UBL3: variants seen among roughly 807,000 people sequenced by gnomAD.
UBL3 encodes the protein ubiquitin-like protein 3.
UBL3 carries 6 observed loss-of-function variants against 18.4 expected under a neutral mutation model. The ratio of observed to expected loss-of-function variants is 0.33; its 90% CI spans 0.18 to 0.64. The LOEUF is 0.64. UBL3 is among the 30% of genes least tolerant of loss of function. The pLI, the probability that UBL3 is intolerant of heterozygous loss-of-function variation, is 0.76. For synonymous variants in UBL3, 49 were observed against 46.6 expected (o/e 1.05, Z -0.21); for missense variants, 109 against 142.9 (o/e 0.76, Z 1.21).
chr13:29,792,890 C>G (rs1398880232), intron 1 of UBL3, among the ~76,000 whole-genome samples: 1 of 152,164 alleles, frequency 6.6e-6, no homozygotes, highest in Non-Finnish European at 1.5e-5. Context: ...ATATAAAATA[C>G]AGCACAAAAT....
In UBL3 at chr13:29,821,957, G is replaced by A. The variant is rs557713275; in HGVS notation, c.27+27555C>T. Among the ~76,000 whole-genome samples the A allele has an allele frequency of 7.2e-5, 11 of 152,252 alleles. No homozygotes were observed. In the East Asian group the frequency reaches 1.9e-3, roughly 27 times the overall value. On this transcript the variant is annotated intron_variant, in intron 1 of 4. Coordinates refer to ENST00000380680, the MANE Select transcript of UBL3 (RefSeq NM_007106.4). ...AGCTCTTTGTTAAATTAAATTACCTGAATTAGAAGATCCAGAAACTTGCTC... is the reference window on the plus strand; with the variant it reads ...AGCTCTTTGTTAAATTAAATTACCTAAATTAGAAGATCCAGAAACTTGCTC...
At chr13:29,797,812 T>A (rs1021592485) in intron 1 of UBL3, among the ~76,000 whole-genome samples, 2 of 152,154 alleles carry the variant, frequency 1.3e-5, no homozygotes, top group Admixed American at 6.5e-5. Flanking sequence ...ACTTCCTTCC[T>A]TCTATTAATA....
At chr13:29,820,429 G>T (rs1878403494) in intron 1 of UBL3, among the ~76,000 whole-genome samples, 1 of 151,988 alleles carries the variant, frequency 6.6e-6, no homozygotes, top group Admixed American at 6.6e-5. Flanking sequence ...GCCTGCCTCG[G>T]CCTCCCAAAG....
At chr13:29,799,253 G>T (rs1451854291) in intron 1 of UBL3, among the ~76,000 whole-genome samples, 1 of 152,174 alleles carries the variant, frequency 6.6e-6, no homozygotes, top group Non-Finnish European at 1.5e-5. Context: ...AAAAAAGTAT[G>T]CAGACATTGC....
intron 1 of UBL3, among the ~76,000 whole-genome samples, chr13:29,819,359 C>G (rs181139059): frequency 3.3e-4 from 50 of 152,194 alleles, no homozygotes; most frequent in Non-Finnish European, 6.6e-4. Flanking sequence ...TTACCCTTAA[C>G]CACATCAAGG....
intron 1 of UBL3, among the ~76,000 whole-genome samples, chr13:29,817,276 C>T (rs1878305785): frequency 6.6e-6 from 1 of 152,210 alleles, no homozygotes; most frequent in South Asian, 2.1e-4. Context: ...TGGTATGCAA[C>T]ACGCGTAAGA....
rs778556212 is a variant in UBL3, at chr13:29,777,222, C to G, written c.69G>C (p.Glu23Asp). The part of the protein sequence containing the change: ...RLILVSGKTK[E>D]FLFSPNDSAS... ...CAGAATCGTTAGGAGAAAACAGGAA[C>G]TCTTTTGTTTTTCCGCTTACCAAAA... is the stretch of plus-strand genomic sequence containing the variant. Residue 23 changes from glutamate to aspartate, a missense_variant, in exon 2 of 5, where the codon GAG (glutamate) becomes GAC (aspartate). Physicochemically the swap from Glu to Asp is conservative, Grantham distance 45. Coordinates refer to ENST00000380680, the MANE Select transcript of UBL3 (RefSeq NM_007106.4). 2 of 1,610,044 alleles carry G rather than the reference C, an allele frequency of 1.2e-6. No homozygotes were observed. The highest frequency in any genetic ancestry group is 1.7e-5 in the Admixed American group (1 of 59,870).
At chr13:29,842,847 A>T (rs140095739) in intron 1 of UBL3, among the ~76,000 whole-genome samples, 43 of 152,370 alleles carry the variant, frequency 2.8e-4, no homozygotes, top group African/African-American at 1.0e-3. Flanking sequence ...AATTCTAAGC[A>T]ACCAAAACAG....
chr13:29,770,595 A>C (rs912210327), intron 3 of UBL3, among the ~76,000 whole-genome samples: 2 of 152,024 alleles, frequency 1.3e-5, no homozygotes, highest in Admixed American at 1.3e-4. Context: ...TCAATACTCA[A>C]AAGGGAAATG....
intron 1 of UBL3, among the ~76,000 whole-genome samples, chr13:29,845,615 T>A (rs1879211012): frequency 6.6e-6 from 1 of 152,092 alleles, no homozygotes. Context: ...TTTAGTAATT[T>A]CCTGTCCACA....
At chr13:29,828,077 G>T (rs1259543675) in intron 1 of UBL3, among the ~76,000 whole-genome samples, 1 of 152,100 alleles carries the variant, frequency 6.6e-6, no homozygotes, top group Non-Finnish European at 1.5e-5. Flanking sequence ...TTCCCTTTGT[G>T]GGTAACCCGA....
chr13:29,833,549 C>G (rs993882671), intron 1 of UBL3, among the ~76,000 whole-genome samples: 4 of 152,184 alleles, frequency 2.6e-5, no homozygotes, highest in Non-Finnish European at 5.9e-5. Context: ...AATATTCCCT[C>G]TGCCTACAAT....
intron 1 of UBL3, among the ~76,000 whole-genome samples, chr13:29,801,566 C>T (rs1877766989): frequency 6.6e-6 from 1 of 152,152 alleles, no homozygotes; most frequent in African/African-American, 2.4e-5. Context: ...TGAACATTCC[C>T]ACTAGCAACG....
intron 1 of UBL3, among the ~76,000 whole-genome samples, chr13:29,839,133 G>A (rs1329581137): frequency 6.6e-6 from 1 of 152,080 alleles, no homozygotes; most frequent in Non-Finnish European, 1.5e-5. Flanking sequence ...TCAATTGAGT[G>A]ATTTAAAAAA....
rs1016445888 is a variant in UBL3, at chr13:29,828,928, G to C, written c.27+20584C>G. Among the ~76,000 whole-genome samples, 9 of 152,330 alleles carry C rather than the reference G, an allele frequency of 5.9e-5. No individual in the cohort carries two copies. In the East Asian group the frequency reaches 1.7e-3, roughly 29 times the overall value. On this transcript the variant is annotated intron_variant, in intron 1 of 4. Transcript: ENST00000380680. ...CTCAGCGGAAGGTCTGTTGTAGTTT[G>C]CTGGAGGTCCACTCCAGACCCTGTT... is the stretch of plus-strand genomic sequence containing the variant.
chr13:29,836,090 G>A lies in UBL3; in HGVS notation c.27+13422C>T, dbSNP rs551605406. Among the ~76,000 whole-genome samples the A allele has an allele frequency of 3.2e-4, 49 of 152,308 alleles. 1 individual carries two copies. Among genetic ancestry groups the A allele is most frequent in the South Asian group, 6.2e-4 (3 of 4,824 alleles). The stretch of plus-strand genomic sequence containing the variant: ...AAGATTAATACAATAGTCCAGGAGA[G>A]AGAGGGTACTTGAACTAGGTTGGTA... On this transcript the variant is annotated intron_variant, in intron 1 of 4. Transcript: ENST00000380680.
chr13:29,773,934 A>G (rs1434322088), intron 2 of UBL3, among the ~76,000 whole-genome samples: 1 of 152,180 alleles, frequency 6.6e-6, no homozygotes, highest in Non-Finnish European at 1.5e-5. Flanking sequence ...TATTTGCCAC[A>G]CATTTGTTAT....
At chr13:29,835,125 AATAT>A (rs59643985) in intron 1 of UBL3, among the ~76,000 whole-genome samples, 33 of 23,394 alleles carry the variant, frequency 1.4e-3, no homozygotes, top group South Asian at 3.5e-3. Context: ...TATATATATA[AATAT>A]ATATATATAT....
intron 1 of UBL3, among the ~76,000 whole-genome samples, chr13:29,838,141 A>C (rs1467744031): frequency 6.6e-6 from 1 of 152,116 alleles, no homozygotes; most frequent in African/African-American, 2.4e-5. Flanking sequence ...CAAAGGAGTA[A>C]CAATAAAATC....
Sources: allele counts gnomAD v4.1 joint callset (sites outside exome capture counted in the v4.1 genomes callset), GRCh38; gene constraint gnomAD v4.1.1; transcripts MANE v1.5; gene names NCBI Gene and HGNC (gene_info 2026-07-23, HGNC 2026-07-21).